The following AGBL1 variants were observed in gnomAD, a reference collection of about 807,000 sequenced individuals.
AGBL1 encodes the protein AGBL carboxypeptidase 1.
Under a neutral mutation model 118.9 loss-of-function variants are expected in AGBL1, and 130 were observed. The observed-to-expected ratio is 1.09, with a 90% confidence interval of 0.95 to 1.26. The LOEUF (loss-of-function observed/expected upper bound fraction) is 1.26, where lower values mean the gene tolerates loss of function less well. AGBL1 is among the 50% of genes most tolerant of loss of function. The pLI is 0.00. For missense variants in AGBL1, 1,584 were observed against 1,298.1 expected, an observed-to-expected ratio of 1.22 and a Z score of -3.38; for synonymous variants, 555 against 478.9, an observed-to-expected ratio of 1.16 and a Z score of -2.08.
At chr15:86,361,119 A>G (rs2080798927) in intron 17 of AGBL1, among the ~76,000 whole-genome samples, 1 of 151,890 alleles carries the variant, frequency 6.6e-6, no homozygotes, top group Admixed American at 6.6e-5. Context: ...ATATCTTGGT[A>G]TTGCTTTTCC....
At chr15:86,159,780 T>C (rs1234773025) in intron 5 of AGBL1, among the ~76,000 whole-genome samples, 1 of 152,142 alleles carries the variant, frequency 6.6e-6, no homozygotes, top group Non-Finnish European at 1.5e-5. Context: ...AACATTTCCA[T>C]GCCCAACCAT....
At chr15:86,749,786 G>C (rs966342086) in intron 22 of AGBL1, among the ~76,000 whole-genome samples, 1 of 152,056 alleles carries the variant, frequency 6.6e-6, no homozygotes, top group African/African-American at 2.4e-5. Flanking sequence ...TTTTGTCTTT[G>C]GTTCTGTTTA....
chr15:86,112,502 G>C (rs967883526), intron 1 of AGBL1, among the ~76,000 whole-genome samples: 1 of 152,078 alleles, frequency 6.6e-6, no homozygotes, highest in Non-Finnish European at 1.5e-5. Flanking sequence ...TTTATTTAAC[G>C]TTAGACATTT....
intron 24 of AGBL1, among the ~76,000 whole-genome samples, chr15:87,020,270 A>G (rs1268074678): frequency 6.6e-6 from 1 of 152,160 alleles, no homozygotes; most frequent in East Asian, 1.9e-4. Context: ...GTCTCATTAG[A>G]TGCAGACAAG....
intron 22 of AGBL1, among the ~76,000 whole-genome samples, chr15:86,736,876 A>G (rs1361921497): frequency 6.6e-6 from 1 of 152,184 alleles, no homozygotes; most frequent in Non-Finnish European, 1.5e-5. Context: ...TCAAGAAAGT[A>G]TCATGCATTT....
At chr15:86,466,572 T>C (rs1343673572) in intron 18 of AGBL1, among the ~76,000 whole-genome samples, 1 of 152,196 alleles carries the variant, frequency 6.6e-6, no homozygotes, top group Non-Finnish European at 1.5e-5. Flanking sequence ...GAGAAGAGGC[T>C]TTCTGATTTT....
At chr15:86,864,734 C>T (rs867490088) in intron 22 of AGBL1, among the ~76,000 whole-genome samples, 7 of 152,232 alleles carry the variant, frequency 4.6e-5, no homozygotes, top group Middle Eastern at 3.4e-3. Flanking sequence ...GTGGAGCATT[C>T]AACAAACACG....
intron 24 of AGBL1, among the ~76,000 whole-genome samples, chr15:87,021,376 C>A (rs528248380): frequency 2.4e-4 from 37 of 152,162 alleles, no homozygotes; most frequent in Admixed American, 6.5e-4. Context: ...AATGTAAAAC[C>A]CAAAATTATA....
chr15:86,898,206 C>A (rs1307282930), intron 22 of AGBL1, among the ~76,000 whole-genome samples: 2 of 152,082 alleles, frequency 1.3e-5, no homozygotes, highest in Non-Finnish European at 2.9e-5. Flanking sequence ...GTATTTTATT[C>A]TTCAACTCTG....
chr15:86,832,194 C>T (rs1374095422), intron 22 of AGBL1, among the ~76,000 whole-genome samples: 1 of 152,202 alleles, frequency 6.6e-6, no homozygotes, highest in African/African-American at 2.4e-5. Flanking sequence ...ATGGAAAGGG[C>T]TGCTGTAAAG....
intron 1 of AGBL1, among the ~76,000 whole-genome samples, chr15:86,115,516 A>G (rs1396579283): frequency 6.6e-6 from 1 of 152,182 alleles, no homozygotes; most frequent in Non-Finnish European, 1.5e-5. Flanking sequence ...TTTGAATGAC[A>G]ATATTGTGAT....
At chr15:86,899,612 T>C (rs948109985) in intron 22 of AGBL1, among the ~76,000 whole-genome samples, 1 of 152,184 alleles carries the variant, frequency 6.6e-6, no homozygotes, top group Admixed American at 6.5e-5. Context: ...ATAATACTTA[T>C]ATATATTTAT....
At chr15:86,345,053 C>T (rs182454153) in intron 17 of AGBL1, among the ~76,000 whole-genome samples, 8 of 152,056 alleles carry the variant, frequency 5.3e-5, no homozygotes, top group Admixed American at 2.0e-4. Context: ...TTTCAGGCAC[C>T]GTTTTAGACT....
intron 23 of AGBL1, among the ~76,000 whole-genome samples, chr15:86,959,874 C>A (rs993876644): frequency 6.6e-6 from 1 of 151,994 alleles, no homozygotes; most frequent in African/African-American, 2.4e-5. Flanking sequence ...ACAAGTGGAT[C>A]ATTGATTGGA....
intron 22 of AGBL1, among the ~76,000 whole-genome samples, chr15:86,810,083 G>A (rs146043901): frequency 9.3e-4 from 141 of 152,276 alleles, no homozygotes; most frequent in African/African-American, 3.1e-3. Context: ...GCCTTGGTCA[G>A]TATGCCTCAA....
At chr15:86,105,882 G>A (rs1313649559) in intron 1 of AGBL1, among the ~76,000 whole-genome samples, 1 of 152,194 alleles carries the variant, frequency 6.6e-6, no homozygotes, top group Non-Finnish European at 1.5e-5. Flanking sequence ...TACACATGCA[G>A]TTTTATTTGG....
At chr15:86,760,490 G>A (rs1197991816) in intron 22 of AGBL1, among the ~76,000 whole-genome samples, 2 of 152,098 alleles carry the variant, frequency 1.3e-5, no homozygotes, top group African/African-American at 2.4e-5. Flanking sequence ...AAGGGGTGAG[G>A]GATGGAGGTG....
chr15:86,797,949 G>T (rs1156981325), intron 22 of AGBL1, among the ~76,000 whole-genome samples: 5 of 152,156 alleles, frequency 3.3e-5, no homozygotes, highest in Non-Finnish European at 7.4e-5. Context: ...TAAGCAGAAA[G>T]AAATTTATTA....
intron 21 of AGBL1, among the ~76,000 whole-genome samples, chr15:86,638,245 G>C (rs1672838241): frequency 1.3e-5 from 2 of 152,224 alleles, no homozygotes; most frequent in Non-Finnish European, 2.9e-5. Flanking sequence ...GTATCATTGT[G>C]TTTTGTGTAG....
Sources: allele counts gnomAD v4.1 joint callset (sites outside exome capture counted in the v4.1 genomes callset), GRCh38; gene constraint gnomAD v4.1.1; transcripts MANE v1.5; gene names NCBI Gene and HGNC (gene_info 2026-07-23, HGNC 2026-07-21).